Variants in MAST3 observed in about 807,000 individuals in gnomAD.
MAST3 encodes microtubule-associated serine/threonine-protein kinase 3.
Under a neutral mutation model 127.0 loss-of-function variants are expected in MAST3, and 43 were observed. The ratio of observed to expected loss-of-function variants is 0.34; its 90% CI spans 0.27 to 0.44. The LOEUF (loss-of-function observed/expected upper bound fraction) is 0.44. Among genes scored for constraint, MAST3 ranks in the 20% least tolerant of loss-of-function variants. The probability of loss-of-function intolerance (pLI) is 1.00; values close to 1 mark genes in which losing one functional copy is unlikely to be tolerated. For missense variants in MAST3, 1,390 were observed against 1,919.1 expected, an observed-to-expected ratio of 0.72 and a Z score of 5.15; for synonymous variants, 785 against 809.2, an observed-to-expected ratio of 0.97 and a Z score of 0.51.
At position 18,149,993 on chromosome 19, in the gene MAST3, T is replaced by A; in HGVS notation, c.*267T>A. 1 of 368,818 alleles carries A rather than the reference T, an allele frequency of 2.7e-6. No individual in the cohort carries two copies. The highest frequency in any genetic ancestry group is 4.9e-6 in the Non-Finnish European group (1 of 203,398). 22.8% of individuals were successfully genotyped at this position (368,818 alleles called of 1,614,324 possible). On this transcript the variant is annotated 3_prime_UTR_variant, in exon 28 of 28. Transcript: ENST00000687212. This position sits in a 1 kb window ranked among gnomAD's most constrained non-coding sequence, Gnocchi z 5.9. ...TTTATTACTTTTTTTTTCTTTTTTT[T>A]TTTTTTTTTTTGAGACAGAGTCTCA...
In MAST3 at chr19:18,143,991, G is replaced by T. The variant is rs979888746; in HGVS notation, c.2568G>T (p.Lys856Asn). ...PPPAATPVMP[K>N]PSSLSADTAA... ...CAGCGGCCACCCCAGTGATGCCCAA[G>T]CCCTCGAGCCTTTCTGGTAAGTGGG... Residue 856 changes from lysine (K) to asparagine (N), a missense_variant, in exon 22 of 28, where the codon AAG (lysine) becomes AAT (asparagine). Lys to Asn is a moderately conservative substitution (Grantham distance 94, BLOSUM62 0). Around this residue, in one of 5 missense-constraint regions of MAST3, gnomAD observed 816 missense variants for 934.1 expected, o/e 0.87. Coordinates refer to ENST00000687212, the MANE Select transcript of MAST3 (RefSeq NM_001393504.1). 4.2e-5 allele frequency: 66 copies of T among 1,570,570 alleles called. No homozygotes were observed. Among genetic ancestry groups the T allele is most frequent in the Non-Finnish European group, 5.7e-5 (66 of 1,157,666 alleles).
chr19:18,116,329 G>A (rs2039246403), intron 3 of MAST3, among the ~76,000 whole-genome samples: 1 of 149,954 alleles, frequency 6.7e-6, no homozygotes, highest in Non-Finnish European at 1.5e-5. Flanking sequence ...TTTCGCTCTT[G>A]TTGCCCAGGA....
Position 18,149,080 on chromosome 19 carries a change from G to T in MAST3, c.3509-111G>T. ...AAACAAAAACAACCAGGCATGATGG[G>T]TGGCCACATGGAAGGATGTGGGCTT... On this transcript the variant is annotated intron_variant, in intron 27 of 27. Coordinates refer to ENST00000687212, the MANE Select transcript of MAST3 (RefSeq NM_001393504.1). The surrounding 1 kb of genome is among the most constrained non-coding windows in gnomAD (Gnocchi z 5.9). 2 of 1,178,394 alleles carry T rather than the reference G, an allele frequency of 1.7e-6. No individual in the cohort carries two copies. Among genetic ancestry groups the T allele is most frequent in the Middle Eastern group, 3.0e-4 (1 of 3,312 alleles). The allele number at this position is 1,178,394 out of a possible 1,614,324, so 73.0% of individuals were successfully genotyped here.
Position 18,124,251 on chromosome 19 carries a change from C to G in MAST3, c.844-14C>G. The G allele has an allele frequency of 6.3e-7, 1 of 1,598,672 alleles. No homozygotes were observed. The highest frequency in any genetic ancestry group is 8.5e-7 in the Non-Finnish European group (1 of 1,172,328). On this transcript the variant is annotated splice_polypyrimidine_tract_variant and intron_variant, in intron 9 of 27. Transcript: ENST00000687212. ...TGAGGACCTGTGGGTGATGCCACGA[C>G]CCACCTCCCCCAGGCCCATGAGCGT...
At chr19:18,106,127 A>T (rs1391166875) in intron 1 of MAST3, among the ~76,000 whole-genome samples, 2 of 152,162 alleles carry the variant, frequency 1.3e-5, no homozygotes, top group Non-Finnish European at 2.9e-5. Flanking sequence ...TTGCTCTGTC[A>T]CCCAGACTAG....
At chr19:18,106,438 C>T (rs899843797) in intron 1 of MAST3, among the ~76,000 whole-genome samples, 1 of 152,052 alleles carries the variant, frequency 6.6e-6, no homozygotes, top group African/African-American at 2.4e-5. Flanking sequence ...AGGGTTTCAC[C>T]ATGTTGGCCA....
intron 15 of MAST3, among the ~76,000 whole-genome samples, chr19:18,133,163 A>T (rs937693715): frequency 7.2e-5 from 11 of 152,012 alleles, no homozygotes; most frequent in Non-Finnish European, 1.6e-4. Flanking sequence ...GGCTTAGAAA[A>T]CAGACATGTA....
At chr19:18,118,134 C>T (rs1024177956) in intron 3 of MAST3, 42 of 985,198 alleles carry the variant, frequency 4.3e-5, no homozygotes, top group Middle Eastern at 5.2e-4. Context: ...TTCCCGGCCT[C>T]GGGCGGCTGC....
chr19:18,141,845 C>G, intron 20 of MAST3, 37 bp from the exon 21 acceptor site: 1 of 1,351,430 alleles, frequency 7.4e-7, no homozygotes, highest in Non-Finnish European at 9.7e-7. Context: ...CATGAGCCAC[C>G]GCACCCGGCT....
At chr19:18,107,655 CAGTGGTCTTGGA>C (rs775826901) in intron 2 of MAST3, 37 bp downstream of exon 2, 16 of 1,604,476 alleles carry the variant, frequency 1.0e-5, no homozygotes, top group Non-Finnish European at 1.4e-5. Flanking sequence ...GGGTGGGCCC[CAGTGGTCTTGGA>C]AGTGGATATT....
In MAST3 at chr19:18,140,386, AATG is replaced by A. The variant is rs1441401480; in HGVS notation, c.2205+1265_2205+1267del. 2.6e-5 allele frequency among the ~76,000 whole-genome samples: 4 copies of A among 152,148 alleles called. No homozygotes were observed. The South Asian group carries it at 8.3e-4, about 32-fold the overall frequency. On this transcript the variant is annotated intron_variant, in intron 20 of 27. Coordinates refer to ENST00000687212, the MANE Select transcript of MAST3 (RefSeq NM_001393504.1). ...AGAGCGAGACTCTGTCTCAAAAAAT[AATG>A]ATAATAATAAAGTGTACAATTTCGT...
Position 18,107,609 on chromosome 19 carries a change from G to A in MAST3, c.62G>A (p.Arg21Gln), listed in dbSNP as rs1244659025. The change falls in exon 2 of 28, where the codon CGA becomes CAA. Residue 21 changes from arginine to glutamine, a missense_variant. Arg to Gln is a conservative substitution (Grantham distance 43). Coordinates refer to ENST00000687212, the MANE Select transcript of MAST3 (RefSeq NM_001393504.1). ...CAGAAGGAGCTGAGCCTGCCACGCC[G>A]AGGACGTGGGTGAGTTCACCTGGGA... ...GLQKELSLPR[R>Q]GRGLSPSSQS... The A allele has an allele frequency of 7.4e-6, 12 of 1,612,774 alleles. No individual in the cohort carries two copies. Among genetic ancestry groups the A allele is most frequent in the South Asian group, 2.2e-5 (2 of 90,766 alleles).
At chr19:18,135,993 G>C (rs1232252614) in intron 18 of MAST3, among the ~76,000 whole-genome samples, 152 bp downstream of exon 18, 1 of 152,144 alleles carries the variant, frequency 6.6e-6, no homozygotes, top group African/African-American at 2.4e-5. Context: ...GGATGCACAG[G>C]AGTTCTCCAG....
intron 27 of MAST3, among the ~76,000 whole-genome samples, chr19:18,148,492 CAG>C (rs1024792554): frequency 1.3e-5 from 2 of 151,488 alleles, no homozygotes; most frequent in Non-Finnish European, 2.9e-5. Flanking sequence ...AAAAAGAAAA[CAG>C]AAGTGATACA....
chr19:18,121,954 G>A (rs769710374), intron 5 of MAST3, 32 bp downstream of exon 5: 33 of 1,612,002 alleles, frequency 2.0e-5, no homozygotes, highest in Middle Eastern at 1.6e-4. Context: ...GAGACAGTGC[G>A]GGCACCACGG....
Position 18,144,091 on chromosome 19 carries a change from G to A in MAST3, c.2584+84G>A, listed in dbSNP as rs1294978452. 49 of 1,492,040 alleles carry A rather than the reference G, an allele frequency of 3.3e-5. No individual in the cohort carries two copies. The highest frequency in any genetic ancestry group is 3.1e-5 in the Non-Finnish European group (35 of 1,119,746). 92.4% of individuals were successfully genotyped at this position (1,492,040 alleles called of 1,614,324 possible). A position where few individuals can be genotyped will look rare whatever the true frequency, so the allele number is the denominator to read the frequency against. Reference sequence around the variant, plus strand: ...ATTTGAGATGGGTTTTCAAGGATGAGTAGGAGTTCTCCAGAGCCAACAAAG... The same window carrying A: ...ATTTGAGATGGGTTTTCAAGGATGAATAGGAGTTCTCCAGAGCCAACAAAG... On this transcript the variant is annotated intron_variant, in intron 22 of 27. Coordinates refer to ENST00000687212, the MANE Select transcript of MAST3 (RefSeq NM_001393504.1). The surrounding 1 kb of genome is among the most constrained non-coding windows in gnomAD (Gnocchi z 4.0).
chr19:18,111,071 G>A (rs2038548832), intron 3 of MAST3, among the ~76,000 whole-genome samples: 1 of 152,130 alleles, frequency 6.6e-6, no homozygotes, highest in Admixed American at 6.5e-5. Context: ...CCTGGGTGGT[G>A]ACCTCAGGGA....
intron 14 of MAST3, among the ~76,000 whole-genome samples, 190 bp from the exon 15 acceptor site, chr19:18,131,719 A>T (rs2041310831): frequency 6.6e-6 from 1 of 152,208 alleles, no homozygotes; most frequent in South Asian, 2.1e-4. Flanking sequence ...AAAATTAAAA[A>T]ATTAAAAATA....
chr19:18,111,428 T>G (rs943158434), intron 3 of MAST3, among the ~76,000 whole-genome samples: 2 of 151,886 alleles, frequency 1.3e-5, no homozygotes, highest in African/African-American at 4.8e-5. Flanking sequence ...GGCAAAAGTT[T>G]AGGGAGGGAC....
Sources: allele counts gnomAD v4.1 joint callset (sites outside exome capture counted in the v4.1 genomes callset), GRCh38; gene constraint gnomAD v4.1.1; regional missense constraint gnomAD v4.1.1; non-coding constraint Gnocchi (gnomAD v3.1); transcripts MANE v1.5; gene names NCBI Gene and HGNC (gene_info 2026-07-23, HGNC 2026-07-21).